PLEKHA2: variants seen among roughly 807,000 people sequenced by gnomAD.
PLEKHA2 encodes the protein pleckstrin homology domain-containing family A member 2.
PLEKHA2 carries 28 observed loss-of-function variants against 53.2 expected under a neutral mutation model. The ratio of observed to expected loss-of-function variants is 0.53; its 90% CI spans 0.39 to 0.72. The LOEUF (loss-of-function observed/expected upper bound fraction) is 0.72. PLEKHA2 is among the 30% of genes least tolerant of loss of function. The pLI, the probability that PLEKHA2 is intolerant of heterozygous loss-of-function variation, is 0.00. For synonymous variants in PLEKHA2, 193 were observed against 196.4 expected (o/e 0.98, Z 0.14); for missense variants, 426 against 537.9 (o/e 0.79, Z 2.06).
chr8:38,960,601 T>A (rs1835024338), intron 10 of PLEKHA2, among the ~76,000 whole-genome samples: 2 of 152,358 alleles, frequency 1.3e-5, no homozygotes, highest in South Asian at 2.1e-4. Context: ...GTTTTGCACA[T>A]CTATCTTTAA....
In PLEKHA2 at chr8:38,936,536, C is replaced by T. The variant is rs192157536; in HGVS notation, c.198+486C>T. On this transcript the variant is annotated intron_variant, in intron 3 of 11. Transcript: ENST00000617275. ...ACTGTGGAGGGAAGGCTAAGAAGGCCCTGAGAAGCCACTCAGATTACCAAG... is the reference window on the plus strand; with the variant it reads ...ACTGTGGAGGGAAGGCTAAGAAGGCTCTGAGAAGCCACTCAGATTACCAAG... Among the ~76,000 whole-genome samples, 26 of 152,306 alleles carry T rather than the reference C, an allele frequency of 1.7e-4. No homozygotes were observed. The East Asian group carries it at 3.9e-3, about 23-fold the overall frequency.
chr8:38,952,046 A>G, intron 6 of PLEKHA2, 120 bp from the exon 7 acceptor site: 1 of 1,284,876 alleles, frequency 7.8e-7, no homozygotes, highest in Non-Finnish European at 1.1e-6. Context: ...CACTGTGCCC[A>G]CCATTTATTT....
At chr8:38,956,152 T>C (rs1476091437) in intron 9 of PLEKHA2, among the ~76,000 whole-genome samples, 6 of 152,230 alleles carry the variant, frequency 3.9e-5, no homozygotes, top group African/African-American at 1.4e-4. Context: ...ACTCCTTATG[T>C]ATTCCCCGCA....
intron 5 of PLEKHA2, among the ~76,000 whole-genome samples, 183 bp downstream of exon 5, chr8:38,946,404 C>CT (rs1404956140): frequency 6.6e-6 from 1 of 152,190 alleles, no homozygotes; most frequent in African/African-American, 2.4e-5. Flanking sequence ...AACTGAGAGT[C>CT]TGAGTTTGAA....
At chr8:38,901,960 T>C (rs1477216534) in intron 1 of PLEKHA2, 1 of 152,268 alleles carries the variant, frequency 6.6e-6, no homozygotes, top group Non-Finnish European at 1.5e-5. Flanking sequence ...CCTTATTAAA[T>C]GACAGGCCTA....
chr8:38,944,779 G>A (rs1337052359), intron 4 of PLEKHA2, among the ~76,000 whole-genome samples: 1 of 152,178 alleles, frequency 6.6e-6, no homozygotes, highest in East Asian at 1.9e-4. Context: ...GATTTGGGTG[G>A]GGACAGAGAT....
At chr8:38,949,076 G>A (rs1418128915) in intron 5 of PLEKHA2, among the ~76,000 whole-genome samples, 1 of 152,072 alleles carries the variant, frequency 6.6e-6, no homozygotes, top group Non-Finnish European at 1.5e-5. Context: ...TCACTATATT[G>A]GTCAGGCTAG....
chr8:38,909,605 A>G (rs1426589993), intron 1 of PLEKHA2, among the ~76,000 whole-genome samples: 2 of 151,950 alleles, frequency 1.3e-5, no homozygotes, highest in Admixed American at 1.3e-4. Context: ...TTGAATCTCC[A>G]CTGGTGGAAC....
intron 5 of PLEKHA2, among the ~76,000 whole-genome samples, chr8:38,949,989 A>G (rs1341947932): frequency 2.6e-5 from 4 of 152,100 alleles, no homozygotes; most frequent in South Asian, 2.1e-4. Flanking sequence ...TACCTGTTCA[A>G]TCTGCCCAGA....
chr8:38,950,790 G>A, intron 5 of PLEKHA2, 60 bp from the exon 6 acceptor site: 1 of 1,567,924 alleles, frequency 6.4e-7, no homozygotes. Context: ...TTCTGTTTTG[G>A]GCTCCCCATG....
At chr8:38,927,404 G>A (rs544559079) in intron 2 of PLEKHA2, among the ~76,000 whole-genome samples, 36 of 152,274 alleles carry the variant, frequency 2.4e-4, no homozygotes, top group African/African-American at 6.7e-4. Context: ...TACTTGGGAC[G>A]CTGAGGTGGG....
intron 4 of PLEKHA2, 57 bp from the exon 5 acceptor site, chr8:38,946,067 G>A (rs1019106413): frequency 1.5e-6 from 2 of 1,369,706 alleles, no homozygotes; most frequent in East Asian, 2.5e-5. Context: ...GAGACTTGTT[G>A]TATTGCTTGT....
intron 1 of PLEKHA2, among the ~76,000 whole-genome samples, chr8:38,907,004 G>GT (rs1268893261): frequency 6.6e-6 from 1 of 152,040 alleles, no homozygotes; most frequent in East Asian, 1.9e-4. Context: ...ACTTTCTCCT[G>GT]TTACCCAGTT....
At chr8:38,949,640 A>G (rs1212949499) in intron 5 of PLEKHA2, among the ~76,000 whole-genome samples, 2 of 152,262 alleles carry the variant, frequency 1.3e-5, no homozygotes, top group African/African-American at 2.4e-5. Flanking sequence ...CTGTCAAGGA[A>G]GAGCAAAGAT....
intron 1 of PLEKHA2, among the ~76,000 whole-genome samples, chr8:38,903,052 T>C (rs944241250): frequency 3.9e-5 from 6 of 152,250 alleles, no homozygotes; most frequent in Admixed American, 2.6e-4. Context: ...TAAATGTTTA[T>C]TGCATTAATG....
At chr8:38,950,782 C>A in intron 5 of PLEKHA2, 68 bp from the exon 6 acceptor site, 2 of 1,551,858 alleles carry the variant, frequency 1.3e-6, no homozygotes, top group Admixed American at 1.9e-5. Flanking sequence ...CAGCCCCATT[C>A]TGTTTTGGGC....
rs1331534740 is a variant in PLEKHA2 at position 38,969,830 on chromosome 8, G to A, written c.*47G>A. 11 of 1,540,222 alleles carry A rather than the reference G, an allele frequency of 7.1e-6. No homozygotes were observed. In the Admixed American group the frequency reaches 2.3e-4, roughly 32 times the overall value. ...GGAGGGAGGGAGGGAGGACTTGAGA[G>A]AAGGAGGCTGTGACTCAGTTTCTCT... is the stretch of plus-strand genomic sequence containing the variant. On this transcript the variant is annotated 3_prime_UTR_variant, in exon 12 of 12. Coordinates refer to ENST00000617275, the MANE Select transcript of PLEKHA2 (RefSeq NM_021623.2).
intron 2 of PLEKHA2, among the ~76,000 whole-genome samples, chr8:38,933,554 G>C (rs1834432389): frequency 6.6e-6 from 1 of 151,898 alleles, no homozygotes; most frequent in South Asian, 2.1e-4. Context: ...AGGGGTGGTG[G>C]ACCCTTAGTC....
chr8:38,920,369 T>G (rs183285727), intron 2 of PLEKHA2, among the ~76,000 whole-genome samples: 38 of 152,214 alleles, frequency 2.5e-4, no homozygotes, highest in South Asian at 1.5e-3. Flanking sequence ...TTAGCCAGGA[T>G]GGTCTCAAGC....
Sources: gnomAD v4.1 joint callset for allele counts (sites outside exome capture counted in the v4.1 genomes callset) on GRCh38, gnomAD v4.1.1 for gene constraint, MANE v1.5 for transcripts, NCBI Gene and HGNC (gene_info 2026-07-23, HGNC 2026-07-21) for gene names.